WWOX: variants seen among roughly 807,000 people sequenced by gnomAD.
The protein encoded by WWOX is WW domain-containing oxidoreductase.
A neutral mutation model predicts 46.2 loss-of-function variants in WWOX; 69 were observed. The ratio of observed to expected loss-of-function variants is 1.49; its 90% CI spans 1.23 to 1.82. The LOEUF is 1.82. Among genes scored for constraint, WWOX ranks in the 40% most tolerant of loss-of-function variants. The pLI, the probability that WWOX is intolerant of heterozygous loss-of-function variation, is 0.00. For missense variants in WWOX, 919 were observed against 542.6 expected, an observed-to-expected ratio of 1.69 and a Z score of -6.89; for synonymous variants, 359 against 202.6, an observed-to-expected ratio of 1.77 and a Z score of -6.56.
In WWOX at chr16:79,088,416, C is replaced by T. The variant is rs891814406; in HGVS notation, c.1057-123192C>T. ...GATAAAGACAGGGTTTGCTGAACAC[C>T]GTAGGTCTGGCCCTGAGCCGTGGGC... is the stretch of plus-strand genomic sequence containing the variant. On this transcript the variant is annotated intron_variant, in intron 8 of 8. Transcript: ENST00000566780. Among the ~76,000 whole-genome samples, 6 of 152,238 alleles carry T rather than the reference C, an allele frequency of 3.9e-5. No homozygotes were observed. The South Asian group carries it at 1.0e-3, about 26-fold the overall frequency.
intron 8 of WWOX, among the ~76,000 whole-genome samples, chr16:79,035,531 T>A (rs1567504274): frequency 6.6e-6 from 1 of 152,038 alleles, no homozygotes; most frequent in Non-Finnish European, 1.5e-5. Context: ...AAGAGTCAGC[T>A]TATTTTATTT....
chr16:78,907,680 A>G (rs1172270413), intron 8 of WWOX, among the ~76,000 whole-genome samples: 1 of 152,242 alleles, frequency 6.6e-6, no homozygotes, highest in African/African-American at 2.4e-5. Context: ...CAGTTTTAAT[A>G]ACTGCTATTT....
chr16:78,981,697 G>A (rs2046685825), intron 8 of WWOX: 2 of 152,236 alleles, frequency 1.3e-5, no homozygotes, highest in South Asian at 4.2e-4. Flanking sequence ...AAAGTGCTGG[G>A]ATTACAGGTG....
chr16:78,394,214 A>G (rs1044523335), intron 6 of WWOX, among the ~76,000 whole-genome samples: 9 of 152,294 alleles, frequency 5.9e-5, no homozygotes, highest in African/African-American at 1.9e-4. Flanking sequence ...TGAGAAATCC[A>G]TTTTTGGTTT....
intron 8 of WWOX, among the ~76,000 whole-genome samples, chr16:78,438,594 G>C (rs895082075): frequency 9.9e-5 from 15 of 152,068 alleles, no homozygotes; most frequent in African/African-American, 3.6e-4. Flanking sequence ...GGAGTGTTTT[G>C]TGCAACCACA....
intron 8 of WWOX, among the ~76,000 whole-genome samples, chr16:78,708,970 C>G (rs983212068): frequency 2.0e-5 from 3 of 152,174 alleles, no homozygotes; most frequent in East Asian, 3.9e-4. Context: ...ACTTGCACAT[C>G]CATTTTGCCC....
chr16:79,140,524 A>G (rs1482238745), intron 8 of WWOX, among the ~76,000 whole-genome samples: 1 of 152,158 alleles, frequency 6.6e-6, no homozygotes, highest in Non-Finnish European at 1.5e-5. Flanking sequence ...ATCAGCAGAA[A>G]ACAATGCAGC....
In WWOX at chr16:78,308,896, C is replaced by A. The variant is rs891107379; in HGVS notation, c.517-77964C>A. On this transcript the variant is annotated intron_variant, in intron 5 of 8. Transcript: ENST00000566780. Reference sequence around the variant, plus strand: ...GAATCTACCTGATACGGTTTGGCCGCATCGCCACCCAAAATCAGACAGTCC... The same window carrying A: ...GAATCTACCTGATACGGTTTGGCCGAATCGCCACCCAAAATCAGACAGTCC... 2.6e-5 allele frequency among the ~76,000 whole-genome samples: 4 copies of A among 152,122 alleles called. No homozygotes were observed. The East Asian group carries it at 7.7e-4, about 29-fold the overall frequency.
chr16:78,540,185 A>G (rs1285305993), intron 8 of WWOX, among the ~76,000 whole-genome samples: 1 of 152,144 alleles, frequency 6.6e-6, no homozygotes, highest in African/African-American at 2.4e-5. Context: ...TAGAAAAAGC[A>G]AAATGGTAAC....
chr16:78,312,966 A>G (rs1041577037), intron 5 of WWOX, among the ~76,000 whole-genome samples: 18 of 152,166 alleles, frequency 1.2e-4, no homozygotes, highest in Non-Finnish European at 1.2e-4. Context: ...GGTGTACAGG[A>G]GGGTTAAGTA....
intron 8 of WWOX, among the ~76,000 whole-genome samples, chr16:78,863,990 T>G (rs780919085): frequency 5.3e-4 from 81 of 152,334 alleles, no homozygotes; most frequent in Non-Finnish European, 1.0e-3. Flanking sequence ...TTTTTCTCCT[T>G]TCATCTGTTG....
At chr16:78,661,353 C>G (rs1410180733) in intron 8 of WWOX, among the ~76,000 whole-genome samples, 1 of 152,172 alleles carries the variant, frequency 6.6e-6, no homozygotes, top group Non-Finnish European at 1.5e-5. Flanking sequence ...TAAGGTTCTT[C>G]TGAAGCGACC....
intron 8 of WWOX, among the ~76,000 whole-genome samples, chr16:78,454,864 A>G (rs1308512859): frequency 6.6e-6 from 1 of 152,060 alleles, no homozygotes; most frequent in Admixed American, 6.6e-5. Context: ...TGTTGCTTTC[A>G]CCACCCACTA....
intron 8 of WWOX, among the ~76,000 whole-genome samples, chr16:78,620,750 A>C (rs2046160799): frequency 6.6e-6 from 1 of 152,128 alleles, no homozygotes; most frequent in Admixed American, 6.5e-5. Flanking sequence ...GCATAGAAAT[A>C]ATCTTTAGTG....
intron 5 of WWOX, among the ~76,000 whole-genome samples, chr16:78,190,623 G>C (rs1327247946): frequency 2.0e-5 from 3 of 152,174 alleles, no homozygotes; most frequent in Non-Finnish European, 4.4e-5. Flanking sequence ...GATTGGCTCA[G>C]ATCCTGCATC....
At chr16:78,954,949 C>A (rs997747469) in intron 8 of WWOX, among the ~76,000 whole-genome samples, 1 of 152,106 alleles carries the variant, frequency 6.6e-6, no homozygotes, top group Non-Finnish European at 1.5e-5. Context: ...GACACCATGC[C>A]AGTCTAATTT....
chr16:79,131,539 G>A (rs772390339), intron 8 of WWOX, among the ~76,000 whole-genome samples: 16 of 152,118 alleles, frequency 1.1e-4, no homozygotes, highest in East Asian at 3.9e-4. Context: ...AGTGCAAGAC[G>A]GGGACACCCA....
intron 8 of WWOX, among the ~76,000 whole-genome samples, chr16:78,613,298 A>T (rs985221040): frequency 6.6e-6 from 1 of 152,108 alleles, no homozygotes; most frequent in African/African-American, 2.4e-5. Flanking sequence ...ACATGAGCGT[A>T]TGGAAGCCCC....
chr16:79,022,061 G>C (rs2047544788), intron 8 of WWOX, among the ~76,000 whole-genome samples: 1 of 152,214 alleles, frequency 6.6e-6, no homozygotes, highest in Admixed American at 6.5e-5. Context: ...CAAAGACAAA[G>C]AGAGATGGGG....
Sources: allele counts gnomAD v4.1 joint callset (sites outside exome capture counted in the v4.1 genomes callset), GRCh38; gene constraint gnomAD v4.1.1; transcripts MANE v1.5; gene names NCBI Gene and HGNC (gene_info 2026-07-23, HGNC 2026-07-21).